The following RASAL2 variants were observed in gnomAD, a reference collection of about 807,000 sequenced individuals.
The protein encoded by RASAL2 is ras GTPase-activating protein nGAP.
A neutral mutation model predicts 128.9 loss-of-function variants in RASAL2; 58 were observed. That is an observed-to-expected ratio of 0.45 (90% CI 0.36 to 0.56). RASAL2 has a LOEUF of 0.56. RASAL2 is among the 20% of genes least tolerant of loss of function. The pLI is 0.00. For synonymous variants in RASAL2, 561 were observed against 580.8 expected, an observed-to-expected ratio of 0.97 and a Z score of 0.49; for missense variants, 1,360 against 1,601.6, an observed-to-expected ratio of 0.85 and a Z score of 2.57.
At chr1:178,419,294 G>C (rs763518910) in intron 4 of RASAL2, among the ~76,000 whole-genome samples, 2 of 151,856 alleles carry the variant, frequency 1.3e-5, no homozygotes, top group African/African-American at 4.8e-5. Flanking sequence ...TTGTTTTTGG[G>C]TTAGGGTTTC....
intron 3 of RASAL2, among the ~76,000 whole-genome samples, chr1:178,358,964 T>TA (rs1226967021): frequency 6.6e-6 from 1 of 152,144 alleles, no homozygotes; most frequent in African/African-American, 2.4e-5. Flanking sequence ...TCAAACAATG[T>TA]AAAAATTATA....
At chr1:178,409,260 C>T (rs752846431) in intron 4 of RASAL2, among the ~76,000 whole-genome samples, 9 of 152,134 alleles carry the variant, frequency 5.9e-5, no homozygotes, top group Middle Eastern at 3.4e-3. Context: ...ATTTTTGAGC[C>T]CCTACTAAAT....
At chr1:178,305,099 G>A (rs1667930629) in intron 3 of RASAL2, among the ~76,000 whole-genome samples, 1 of 152,126 alleles carries the variant, frequency 6.6e-6, no homozygotes, top group South Asian at 2.1e-4. Context: ...CCAAAGAAGT[G>A]AGTATCGCTA....
intron 1 of RASAL2, among the ~76,000 whole-genome samples, chr1:178,253,677 G>T (rs1436112834): frequency 6.6e-6 from 1 of 152,176 alleles, no homozygotes; most frequent in African/African-American, 2.4e-5. Flanking sequence ...TGGCGGGCAT[G>T]GGTGGGGGTC....
chr1:178,234,601 C>G (rs1330147927), intron 1 of RASAL2, among the ~76,000 whole-genome samples: 1 of 151,996 alleles, frequency 6.6e-6, no homozygotes, highest in East Asian at 1.9e-4. Flanking sequence ...TAACTGATTG[C>G]CTTAAAAATG....
Position 178,439,405 on chromosome 1 carries a change from T to C in RASAL2, c.675-17T>C. The C allele has an allele frequency of 6.3e-7, 1 of 1,594,308 alleles. No individual in the cohort carries two copies. The highest frequency in any genetic ancestry group is 1.1e-5 in the South Asian group (1 of 88,180). On this transcript the variant is annotated splice_polypyrimidine_tract_variant and intron_variant, in intron 5 of 17. Transcript: ENST00000367649. ...TGGCCAAGTTACACTACCTTAAATA[T>C]CTTTTTCTACTTTTAGGTCTCGTGG...
chr1:178,117,323 T>A (rs1464692541), intron 1 of RASAL2, among the ~76,000 whole-genome samples: 1 of 152,224 alleles, frequency 6.6e-6, no homozygotes, highest in Non-Finnish European at 1.5e-5. Flanking sequence ...ACTCTAACCA[T>A]TCTGTTTAAG....
chr1:178,242,158 G>A (rs1664526406), intron 1 of RASAL2, among the ~76,000 whole-genome samples: 1 of 152,042 alleles, frequency 6.6e-6, no homozygotes, highest in African/African-American at 2.4e-5. Flanking sequence ...TAAATGTCAG[G>A]TAGTAAACTC....
chr1:178,147,493 A>G (rs1004135139), intron 1 of RASAL2, among the ~76,000 whole-genome samples: 2 of 151,726 alleles, frequency 1.3e-5, no homozygotes, highest in Non-Finnish European at 2.9e-5. Flanking sequence ...AAAAAAAAAA[A>G]AAAGAAAAGT....
intron 1 of RASAL2, among the ~76,000 whole-genome samples, chr1:178,106,870 C>G (rs1352103128): frequency 1.3e-5 from 2 of 152,184 alleles, no homozygotes; most frequent in African/African-American, 2.4e-5. Context: ...CTGAGATTGT[C>G]ATGCCAGAGT....
At chr1:178,258,844 G>A (rs572521625) in intron 1 of RASAL2, among the ~76,000 whole-genome samples, 1 of 152,188 alleles carries the variant, frequency 6.6e-6, no homozygotes, top group Non-Finnish European at 1.5e-5. Flanking sequence ...GTGCCAAAAG[G>A]TGGAAACAAC....
chr1:178,211,349 C>G (rs1174676315), intron 1 of RASAL2, among the ~76,000 whole-genome samples: 1 of 152,120 alleles, frequency 6.6e-6, no homozygotes, highest in Non-Finnish European at 1.5e-5. Context: ...TTATCCCTTT[C>G]CCATCTAATT....
chr1:178,268,112 G>A (rs899138076), intron 1 of RASAL2, among the ~76,000 whole-genome samples: 1 of 151,820 alleles, frequency 6.6e-6, no homozygotes, highest in Non-Finnish European at 1.5e-5. Flanking sequence ...AGAATTGCCT[G>A]AGGCCAGAAT....
chr1:178,245,017 A>G (rs780478417), intron 1 of RASAL2, among the ~76,000 whole-genome samples: 3 of 152,164 alleles, frequency 2.0e-5, no homozygotes, highest in Non-Finnish European at 2.9e-5. Flanking sequence ...TGCTATTGTA[A>G]ATAGTGCTGC....
rs1374207001 is a variant in RASAL2, at chr1:178,476,381, G to T, written c.*3142G>T. On this transcript the variant is annotated 3_prime_UTR_variant, in exon 18 of 18. Transcript: ENST00000367649. ...TTTCCATCAGGTCATCATATTCCCT[G>T]AGTCTCTGCAGCAAAAGCCATGTCA... 6.6e-6 allele frequency: 1 copy of T among 152,176 alleles called. No homozygotes were observed. The highest frequency in any genetic ancestry group is 1.5e-5 in the Non-Finnish European group (1 of 68,040). The allele number at this position is 152,176 out of a possible 1,614,324, so 9.4% of individuals were successfully genotyped here.
At chr1:178,362,062 C>T (rs889310498) in intron 3 of RASAL2, among the ~76,000 whole-genome samples, 37 of 152,236 alleles carry the variant, frequency 2.4e-4, no homozygotes, top group African/African-American at 4.6e-4. Context: ...TCCTGCTGTG[C>T]GGCCTACTTC....
chr1:178,271,525 T>C (rs868531649), intron 1 of RASAL2, among the ~76,000 whole-genome samples: 1 of 152,226 alleles, frequency 6.6e-6, no homozygotes, highest in Non-Finnish European at 1.5e-5. Flanking sequence ...CAATTCCAGT[T>C]TTTTTTTGTA....
At chr1:178,127,732 A>G (rs1659952638) in intron 1 of RASAL2, among the ~76,000 whole-genome samples, 1 of 152,052 alleles carries the variant, frequency 6.6e-6, no homozygotes, top group African/African-American at 2.4e-5. Flanking sequence ...TACTTATTCT[A>G]GAATCTAGAC....
At chr1:178,362,334 T>C (rs1671163102) in intron 3 of RASAL2, among the ~76,000 whole-genome samples, 1 of 152,132 alleles carries the variant, frequency 6.6e-6, no homozygotes, top group African/African-American at 2.4e-5. Flanking sequence ...TACCGAGAGA[T>C]TACTGTGTAT....
Sources: gnomAD v4.1 joint callset for allele counts (sites outside exome capture counted in the v4.1 genomes callset) on GRCh38, gnomAD v4.1.1 for gene constraint, MANE v1.5 for transcripts, NCBI Gene and HGNC (gene_info 2026-07-23, HGNC 2026-07-21) for gene names.